ZFPM2: variants seen among roughly 807,000 people sequenced by gnomAD.
ZFPM2 encodes zinc finger protein, FOG family member 2.
Under a neutral mutation model 98.6 loss-of-function variants are expected in ZFPM2, and 20 were observed. That is an observed-to-expected ratio of 0.20 (90% CI 0.14 to 0.29). ZFPM2 has a LOEUF of 0.29. ZFPM2 is among the 10% of genes least tolerant of loss of function. The pLI, the probability that ZFPM2 is intolerant of heterozygous loss-of-function variation, is 1.00. For missense variants in ZFPM2, 1,310 were observed against 1,388.6 expected, an observed-to-expected ratio of 0.94 and a Z score of 0.90; for synonymous variants, 518 against 502.7, an observed-to-expected ratio of 1.03 and a Z score of -0.41.
intron 3 of ZFPM2, among the ~76,000 whole-genome samples, chr8:105,466,486 G>A (rs1812798058): frequency 3.9e-5 from 6 of 151,978 alleles, no homozygotes. Flanking sequence ...CTGGTCTTAT[G>A]TATTTAGCAA....
rs545775213 is a variant in ZFPM2 at position 105,405,806 on chromosome 8, G to T, written c.41-13338G>T. ...TTGGGTATATACCCAGTAATGGGAT[G>T]GCTGGGTCAAATGGTATTTCTAGTT... is the stretch of plus-strand genomic sequence containing the variant. On this transcript the variant is annotated intron_variant, in intron 1 of 7. Coordinates refer to ENST00000407775, the MANE Select transcript of ZFPM2 (RefSeq NM_012082.4). 4.0e-3 allele frequency among the ~76,000 whole-genome samples: 608 copies of T among 152,190 alleles called. 2 individuals carry two copies. The highest frequency in any genetic ancestry group is 6.9e-3 in the Non-Finnish European group (470 of 67,978).
Position 105,377,607 on chromosome 8 carries a change from C to CAAAAAAAAAAAAAAA in ZFPM2, c.41-41525_41-41511dup, listed in dbSNP as rs36124912. Among the ~76,000 whole-genome samples, 4 of 63,876 alleles carry CAAAAAAAAAAAAAAA rather than the reference C, an allele frequency of 6.3e-5. 1 individual carries two copies. The highest frequency in any genetic ancestry group is 2.5e-4 in the Admixed American group (1 of 4,080). 41.9% of individuals were successfully genotyped at this position (63,876 alleles called of 152,430 possible). On this transcript the variant is annotated intron_variant, in intron 1 of 7. Transcript: ENST00000407775. ...CAAAACCCCGTTTTTCTTAAAAATC[C>CAAAAAAAAAAAAAAA]AAAAAAAAAAAAAAAAAAAAAAAAA...
intron 5 of ZFPM2, among the ~76,000 whole-genome samples, chr8:105,763,450 T>C (rs1812782162): frequency 6.6e-6 from 1 of 151,860 alleles, no homozygotes; most frequent in Non-Finnish European, 1.5e-5. Flanking sequence ...AAGCAGGTGA[T>C]TTTTTACAAT....
chr8:105,417,651 G>A (rs569249679), intron 1 of ZFPM2, among the ~76,000 whole-genome samples: 15 of 152,058 alleles, frequency 9.9e-5, no homozygotes, highest in South Asian at 2.1e-4. Flanking sequence ...GCTCTTTGAC[G>A]TAATTATTCT....
At chr8:105,338,757 G>T (rs144200447) in intron 1 of ZFPM2, among the ~76,000 whole-genome samples, 1 of 151,836 alleles carries the variant, frequency 6.6e-6, no homozygotes, top group Non-Finnish European at 1.5e-5. Flanking sequence ...AGAGTTGTCT[G>T]TATGAATTTG....
chr8:105,502,082 A>G (rs764593443), intron 3 of ZFPM2, among the ~76,000 whole-genome samples: 9 of 152,206 alleles, frequency 5.9e-5, no homozygotes, highest in Non-Finnish European at 1.2e-4. Context: ...AAAAGTAGAT[A>G]TGACAATAAA....
intron 3 of ZFPM2, among the ~76,000 whole-genome samples, chr8:105,494,076 A>G (rs1813409070): frequency 6.6e-6 from 1 of 150,608 alleles, no homozygotes; most frequent in African/African-American, 2.4e-5. Context: ...CTTGTCTTCT[A>G]CTCAGCCTGT....
chr8:105,562,409 A>G (rs1301229627), intron 4 of ZFPM2, among the ~76,000 whole-genome samples: 3 of 152,182 alleles, frequency 2.0e-5, no homozygotes, highest in East Asian at 1.9e-4. Flanking sequence ...AATTGGATAT[A>G]TAAGTTTGCT....
At chr8:105,447,702 T>A (rs1812403179) in intron 3 of ZFPM2, among the ~76,000 whole-genome samples, 1 of 152,188 alleles carries the variant, frequency 6.6e-6, no homozygotes, top group Admixed American at 6.5e-5. Flanking sequence ...ATGGGAAAAT[T>A]ATCTAAAGAA....
At chr8:105,553,062 T>C (rs1814900865) in intron 3 of ZFPM2, among the ~76,000 whole-genome samples, 2 of 152,040 alleles carry the variant, frequency 1.3e-5, no homozygotes, top group Admixed American at 1.3e-4. Flanking sequence ...CCACCCTCCT[T>C]GGCCTCACAA....
Position 105,778,911 on chromosome 8 carries a change from T to TA in ZFPM2, c.533-9806dup, listed in dbSNP as rs1554580602. ...ACTGTCATCTTTTTTTTTTTTTTTT[T>TA]ACGCATACGTCTTTTTTCTTTGTTT... is the stretch of plus-strand genomic sequence containing the variant. On this transcript the variant is annotated intron_variant, in intron 5 of 7. Transcript: ENST00000407775. Among the ~76,000 whole-genome samples, 7 of 149,318 alleles carry TA rather than the reference T, an allele frequency of 4.7e-5. No individual in the cohort carries two copies. In the South Asian group the frequency reaches 1.0e-3, roughly 22 times the overall value.
At chr8:105,796,010 T>G (rs1813796466) in intron 6 of ZFPM2, 1 of 199,656 alleles carries the variant, frequency 5.0e-6, no homozygotes, top group South Asian at 7.9e-5. Flanking sequence ...AAATAAAATA[T>G]TTAACTGTAA....
chr8:105,790,534 T>C (rs2131141792), intron 6 of ZFPM2, among the ~76,000 whole-genome samples: 1 of 151,824 alleles, frequency 6.6e-6, no homozygotes, highest in Admixed American at 6.6e-5. Flanking sequence ...GCGTGATGCC[T>C]CCAGCTTTGT....
chr8:105,486,024 A>C (rs556488207), intron 3 of ZFPM2, among the ~76,000 whole-genome samples: 63 of 152,110 alleles, frequency 4.1e-4, no homozygotes, highest in Non-Finnish European at 7.1e-4. Flanking sequence ...GATGACTCAC[A>C]TGAAAAGCTG....
chr8:105,379,256 C>T (rs1163093128), intron 1 of ZFPM2, among the ~76,000 whole-genome samples: 2 of 151,976 alleles, frequency 1.3e-5, no homozygotes, highest in African/African-American at 4.8e-5. Flanking sequence ...TATCTTATAA[C>T]TTTATATCTG....
In ZFPM2 at chr8:105,716,687, A is replaced by G. The variant is rs534490407; in HGVS notation, c.533-72031A>G. 7.1e-4 allele frequency among the ~76,000 whole-genome samples: 108 copies of G among 152,126 alleles called. 1 individual carries two copies. Among genetic ancestry groups the G allele is most frequent in the Non-Finnish European group, 1.4e-3 (98 of 67,970 alleles). On this transcript the variant is annotated intron_variant, in intron 5 of 7. Coordinates refer to ENST00000407775, the MANE Select transcript of ZFPM2 (RefSeq NM_012082.4). ...CCTCTTGATTTAGTCAAATCCAGACACCAAAAGGAAAGCCATGGCCACCTC... is the reference window on the plus strand; with the variant it reads ...CCTCTTGATTTAGTCAAATCCAGACGCCAAAAGGAAAGCCATGGCCACCTC...
chr8:105,688,193 A>T (rs1412520428), intron 5 of ZFPM2, among the ~76,000 whole-genome samples: 1 of 152,112 alleles, frequency 6.6e-6, no homozygotes, highest in Non-Finnish European at 1.5e-5. Context: ...CTAATGGGAA[A>T]ATTCAATAAA....
At chr8:105,444,660 C>A (rs892464037) in intron 3 of ZFPM2, among the ~76,000 whole-genome samples, 47 of 152,174 alleles carry the variant, frequency 3.1e-4, no homozygotes, top group African/African-American at 1.0e-3. Context: ...AACAAAGGAT[C>A]TTTAAGCTAC....
chr8:105,561,081 C>T (rs7341574), intron 3 of ZFPM2, among the ~76,000 whole-genome samples: 61,724 of 151,910 alleles, frequency 0.41, 13,549 homozygotes, highest in African/African-American at 0.59. Context: ...GGGAGTGTTA[C>T]TGTTTCTGGT....
Sources: gnomAD v4.1 joint callset for allele counts (sites outside exome capture counted in the v4.1 genomes callset) on GRCh38, gnomAD v4.1.1 for gene constraint, MANE v1.5 for transcripts, NCBI Gene and HGNC (gene_info 2026-07-23, HGNC 2026-07-21) for gene names.